FRAS1: variants seen among roughly 807,000 people sequenced by gnomAD.
FRAS1 encodes extracellular matrix organizing protein FRAS1.
In FRAS1, 290 loss-of-function variants were observed where a neutral mutation model predicts 435.2. That is an observed-to-expected ratio of 0.67 (90% confidence interval 0.61 to 0.73). The LOEUF (loss-of-function observed/expected upper bound fraction) is 0.73. Ranked by LOEUF, FRAS1 falls within the 30% of genes least tolerant of loss-of-function variation. FRAS1 has a pLI of 0.00. For synonymous variants in FRAS1, 1,800 were observed against 1,851.0 expected (o/e 0.97, Z 0.71); for missense variants, 4,860 against 5,001.5 (o/e 0.97, Z 0.85).
chr4:78,333,341 A>T lies in FRAS1; in HGVS notation c.2207A>T (p.His736Leu), dbSNP rs758027171. The change falls in exon 19 of 74, where the codon CAT becomes CTT. Residue 736 changes from histidine to leucine, a missense_variant. By Grantham distance (99) the His-to-Leu change is moderately conservative. Coordinates refer to ENST00000512123, the MANE Select transcript of FRAS1 (RefSeq NM_025074.7). The part of the protein sequence containing the change: ...PHNCTDCGPS[H>L]VLLDGQCLSQ... Reference sequence around the variant, plus strand: ...AACTGCACAGACTGTGGGCCTTCCCATGTGCTGTTGGATGGGCAGTGCCTC... The same window carrying T: ...AACTGCACAGACTGTGGGCCTTCCCTTGTGCTGTTGGATGGGCAGTGCCTC... The T allele has an allele frequency of 2.5e-6, 4 of 1,612,656 alleles. No homozygotes were observed. In the South Asian group the frequency reaches 4.4e-5, roughly 18 times the overall value.
chr4:78,126,681 G>A lies in FRAS1; in HGVS notation c.108+60665G>A, dbSNP rs537407996. Among the ~76,000 whole-genome samples the A allele has an allele frequency of 7.2e-5, 11 of 152,168 alleles. No individual in the cohort carries two copies. In the South Asian group the frequency reaches 2.1e-3, roughly 29 times the overall value. On this transcript the variant is annotated intron_variant, in intron 2 of 73. Coordinates refer to ENST00000512123, the MANE Select transcript of FRAS1 (RefSeq NM_025074.7). The stretch of plus-strand genomic sequence containing the variant: ...TCCTCAAATCTCATTCTAATCTTTT[G>A]TTTTATTTTTAATCCAGCATATTGT...
chr4:78,101,881 G>A (rs1260854879), intron 2 of FRAS1, among the ~76,000 whole-genome samples: 5 of 152,126 alleles, frequency 3.3e-5, no homozygotes, highest in East Asian at 1.9e-4. Context: ...TGACAGTCAC[G>A]GAGTGCAGGT....
chr4:78,192,423 G>A (rs1341636795), intron 2 of FRAS1, among the ~76,000 whole-genome samples: 1 of 152,154 alleles, frequency 6.6e-6, no homozygotes, highest in Admixed American at 6.5e-5. Flanking sequence ...TGGATAGTAA[G>A]CTATTAATTA....
intron 52 of FRAS1, among the ~76,000 whole-genome samples, chr4:78,472,919 C>T (rs1719751084): frequency 6.6e-6 from 1 of 152,126 alleles, no homozygotes; most frequent in Non-Finnish European, 1.5e-5. Flanking sequence ...CATGAATTTT[C>T]TTTTTACTCT....
chr4:78,342,314 C>T (rs1730425376), intron 20 of FRAS1, among the ~76,000 whole-genome samples: 1 of 152,162 alleles, frequency 6.6e-6, no homozygotes, highest in Admixed American at 6.5e-5. Flanking sequence ...AGAGTAAACC[C>T]ATCCTGGGAG....
chr4:78,143,739 T>TAA (rs71661150), intron 2 of FRAS1, among the ~76,000 whole-genome samples: 1 of 111,028 alleles, frequency 9.0e-6, no homozygotes, highest in Admixed American at 9.5e-5. Flanking sequence ...CTACTAAAAA[T>TAA]AATAAAAAAA....
chr4:78,534,561 A>G lies in FRAS1; in HGVS notation c.11038A>G (p.Asn3680Asp). 6.2e-7 allele frequency: 1 copy of G among 1,613,544 alleles called. No homozygotes were observed. The change falls in exon 71 of 74, where the codon AAT (asparagine) becomes GAT (aspartate). Residue 3680 changes from asparagine (N) to aspartate (D), a missense_variant. By Grantham distance (23) the Asn-to-Asp change is conservative. Coordinates refer to ENST00000512123, the MANE Select transcript of FRAS1 (RefSeq NM_025074.7). ...TGAGAAGGTGTTCCTAATGGATCCC[A>G]ATACATCTGATATGTCACTAGCAGA... Reference protein sequence around the residue: ...NNEKVFLMDPNTSDMSLAEMD... With the variant: ...NNEKVFLMDPDTSDMSLAEMD...
chr4:78,098,029 A>G lies in FRAS1; in HGVS notation c.108+32013A>G, dbSNP rs141240245. Among the ~76,000 whole-genome samples, 212 of 152,148 alleles carry G rather than the reference A, an allele frequency of 1.4e-3. 2 individuals carry two copies. In the East Asian group the frequency reaches 0.035, roughly 25 times the overall value. The stretch of plus-strand genomic sequence containing the variant: ...CTTCCAGCCTCCAGAACTGTGAGAA[A>G]ATAAATTTCTGTTTAAGCCACTCAG... On this transcript the variant is annotated intron_variant, in intron 2 of 73. Transcript: ENST00000512123.
At chr4:78,421,743 CA>C in intron 33 of FRAS1, 119 bp from the exon 34 acceptor site, 2 of 1,140,412 alleles carry the variant, frequency 1.8e-6, no homozygotes, top group Non-Finnish European at 2.6e-6. Flanking sequence ...AACCTGAGAA[CA>C]GTCAGTTTCC....
rs142772566 is a variant in FRAS1 at position 78,173,680 on chromosome 4, G to A, written c.109-63830G>A. Among the ~76,000 whole-genome samples the A allele has an allele frequency of 2.2e-3, 328 of 152,260 alleles. 1 individual carries two copies. Among genetic ancestry groups the A allele is most frequent in the African/African-American group, 7.0e-3 (292 of 41,530 alleles). On this transcript the variant is annotated intron_variant, in intron 2 of 73. Transcript: ENST00000512123. ...CTTCACTCATTCTTACTCAACTCAC[G>A]TCTTTCTATAAGGTGCATAAAGTTG...
intron 2 of FRAS1, among the ~76,000 whole-genome samples, chr4:78,191,198 C>G (rs1722517979): frequency 6.6e-6 from 1 of 152,210 alleles, no homozygotes; most frequent in Non-Finnish European, 1.5e-5. Flanking sequence ...CCTCAGCAAA[C>G]TAAGACAAGA....
chr4:78,503,887 T>A (rs1049712906), intron 61 of FRAS1, among the ~76,000 whole-genome samples: 21 of 152,250 alleles, frequency 1.4e-4, no homozygotes, highest in African/African-American at 5.1e-4. Flanking sequence ...CTGCTTTAAA[T>A]GTGTCCCAGA....
Position 78,228,758 on chromosome 4 carries a change from C to T in FRAS1, c.109-8752C>T, listed in dbSNP as rs183776444. Reference sequence around the variant, plus strand: ...CTGTCACCGAAAATATCGTGATCAACAGGCTTAGATTGTGGCAAGTGTCCG... The same window carrying T: ...CTGTCACCGAAAATATCGTGATCAATAGGCTTAGATTGTGGCAAGTGTCCG... On this transcript the variant is annotated intron_variant, in intron 2 of 73. Coordinates refer to ENST00000512123, the MANE Select transcript of FRAS1 (RefSeq NM_025074.7). Among the ~76,000 whole-genome samples the T allele has an allele frequency of 4.3e-3, 650 of 152,312 alleles. 9 individuals are homozygous for T. Among genetic ancestry groups the T allele is most frequent in the African/African-American group, 0.014 (593 of 41,562 alleles).
intron 17 of FRAS1, among the ~76,000 whole-genome samples, chr4:78,318,392 A>G (rs17003125): frequency 0.029 from 4,343 of 152,268 alleles, 215 homozygotes; most frequent in African/African-American, 0.096. Context: ...CTCATGGGTA[A>G]TAACACAACC....
chr4:78,335,398 G>A (rs1378288332), intron 19 of FRAS1, among the ~76,000 whole-genome samples: 1 of 152,170 alleles, frequency 6.6e-6, no homozygotes, highest in Non-Finnish European at 1.5e-5. Context: ...TAATGTGTCA[G>A]CTGTCTTCTC....
intron 14 of FRAS1, among the ~76,000 whole-genome samples, chr4:78,294,272 T>C (rs906046144): frequency 2.0e-5 from 3 of 152,146 alleles, no homozygotes; most frequent in Non-Finnish European, 4.4e-5. Context: ...GTTGTTTTGG[T>C]TTGCGGTCCC....
At chr4:78,095,943 T>C (rs1043999147) in intron 2 of FRAS1, among the ~76,000 whole-genome samples, 12 of 151,964 alleles carry the variant, frequency 7.9e-5, no homozygotes, top group Non-Finnish European at 1.5e-4. Flanking sequence ...TCCCCCAGAG[T>C]CTTACCTCAT....
intron 41 of FRAS1, among the ~76,000 whole-genome samples, chr4:78,441,600 G>A (rs370092258): frequency 6.6e-6 from 1 of 151,326 alleles, no homozygotes; most frequent in African/African-American, 2.4e-5. Flanking sequence ...TAAATGAGAA[G>A]ATTGAGTACG....
Position 78,339,731 on chromosome 4 carries a change from G to T in FRAS1, c.2422+1914G>T, listed in dbSNP as rs1730329443. ...TTAGTTAAAATGGTTGGGAAATTTA[G>T]ATTCAAACCAGAGTATAGAAAGTTC... On this transcript the variant is annotated intron_variant, in intron 20 of 73. Coordinates refer to ENST00000512123, the MANE Select transcript of FRAS1 (RefSeq NM_025074.7). Among the ~76,000 whole-genome samples the T allele has an allele frequency of 2.0e-5, 3 of 152,224 alleles. No homozygotes were observed. The South Asian group carries it at 6.2e-4, about 32-fold the overall frequency.
Sources: allele counts gnomAD v4.1 joint callset (sites outside exome capture counted in the v4.1 genomes callset), GRCh38; gene constraint gnomAD v4.1.1; transcripts MANE v1.5; gene names NCBI Gene and HGNC (gene_info 2026-07-23, HGNC 2026-07-21).